TUSC3: variants seen among roughly 807,000 people sequenced by gnomAD.
The protein encoded by TUSC3 is dolichyl-diphosphooligosaccharide--protein glycosyltransferase subunit TUSC3.
A neutral mutation model predicts 44.8 loss-of-function variants in TUSC3; 45 were observed. That is an observed-to-expected ratio of 1.00 (90% CI 0.79 to 1.29). The LOEUF is 1.29. Among genes scored for constraint, TUSC3 ranks in the 50% most tolerant of loss-of-function variants. The probability of loss-of-function intolerance (pLI) is 0.00; values close to 1 mark genes in which losing one functional copy is unlikely to be tolerated. For synonymous variants in TUSC3, 212 were observed against 152.9 expected (o/e 1.39, Z -2.85); for missense variants, 519 against 437.9 (o/e 1.19, Z -1.65).
chr8:15,785,880 G>T, the TUSC3 span, among the ~76,000 whole-genome samples: 1 of 151,536 alleles, frequency 6.6e-6, no homozygotes, highest in Non-Finnish European at 1.5e-5. Flanking sequence ...CATTTCAGAA[G>T]TTCTATGCTG....
chr8:15,599,718 T>C (rs1434241536), intron 1 of TUSC3, among the ~76,000 whole-genome samples: 49 of 136,332 alleles, frequency 3.6e-4, no homozygotes, highest in Non-Finnish European at 6.4e-4. Flanking sequence ...TTTTTTTTTG[T>C]CAAAGATCAG....
Position 15,540,281 on chromosome 8 carries a change from C to T in TUSC3, c.-150C>T, listed in dbSNP as rs886062769. 7.8e-6 allele frequency: 9 copies of T among 1,155,564 alleles called. No homozygotes were observed. The highest frequency in any genetic ancestry group is 9.1e-6 in the Non-Finnish European group (8 of 883,634). 71.6% of individuals were successfully genotyped at this position (1,155,564 alleles called of 1,614,324 possible). On this transcript the variant is annotated 5_prime_UTR_variant, in exon 1 of 11. Coordinates refer to ENST00000503731, the MANE Select transcript of TUSC3 (RefSeq NM_006765.4). ...CTCTGTCAGTCTCCTCCTCTGCGTC[C>T]TCGGCCGCGGCCCGGGTCCCTCGCA...
At chr8:15,617,981 A>G (rs1805067940) in intron 1 of TUSC3, among the ~76,000 whole-genome samples, 1 of 152,222 alleles carries the variant, frequency 6.6e-6, no homozygotes, top group Admixed American at 6.5e-5. Context: ...TCTACTAAAT[A>G]TTGTAGGCAG....
At chr8:15,461,458 G>T (rs973336485) in intron 1 of TUSC3, among the ~76,000 whole-genome samples, 31 of 152,082 alleles carry the variant, frequency 2.0e-4, no homozygotes, top group Non-Finnish European at 3.8e-4. Flanking sequence ...TTTTTGAAGT[G>T]AGCGATCATA....
chr8:15,463,096 G>C (rs1800368640), intron 1 of TUSC3, among the ~76,000 whole-genome samples: 3 of 149,508 alleles, frequency 2.0e-5, no homozygotes, highest in South Asian at 4.2e-4. Flanking sequence ...GCCTCTCTGT[G>C]TCTCTCTCTC....
intron 6 of TUSC3, among the ~76,000 whole-genome samples, chr8:15,674,300 G>A (rs1174202603): frequency 2.6e-5 from 4 of 151,980 alleles, no homozygotes; most frequent in Non-Finnish European, 4.4e-5. Flanking sequence ...AAATTGATAT[G>A]TTGTTACATT....
intron 6 of TUSC3, among the ~76,000 whole-genome samples, chr8:15,706,627 G>C (rs1208759166): frequency 1.3e-5 from 2 of 151,954 alleles, no homozygotes; most frequent in Non-Finnish European, 2.9e-5. Flanking sequence ...ATTTCGTGTA[G>C]CTCATACTGA....
chr8:15,793,478 C>A, the TUSC3 span, among the ~76,000 whole-genome samples: 1 of 150,636 alleles, frequency 6.6e-6, no homozygotes, highest in African/African-American at 2.5e-5. Context: ...CAGCTCACCA[C>A]TGACCTCTCT....
rs143046985 is a variant in TUSC3 at position 15,432,727 on chromosome 8, C to T, written n.91+15422C>T. Among the ~76,000 whole-genome samples the T allele has an allele frequency of 6.9e-3, 1,052 of 152,186 alleles. 11 individuals carry two copies. The highest frequency in any genetic ancestry group is 0.024 in the African/African-American group (989 of 41,512). On this transcript the variant is annotated intron_variant and non_coding_transcript_variant, in intron 1 of 5. Coordinates refer to the TUSC3 transcript ENST00000503191. ...ACCTCCGAACTGTGAACTTAATGTG[C>T]ATCTCGGATCCCCTCACCCCGCCCC...
At chr8:15,537,611 C>A (rs1801542483), upstream of TUSC3, among the ~76,000 whole-genome samples, 1 of 152,076 alleles carries the variant, frequency 6.6e-6, no homozygotes, top group African/African-American at 2.4e-5. Context: ...GCTAGAGTTA[C>A]AAAATGGGAG....
intron 1 of TUSC3, among the ~76,000 whole-genome samples, chr8:15,471,619 AT>A (rs35294089): frequency 0.047 from 6,760 of 142,516 alleles, 439 homozygotes; most frequent in African/African-American, 0.15. Context: ...TCCAGTTCTG[AT>A]TTTTTTTTTT....
chr8:15,790,179 C>CTTTTTTTTTTTTTT, the TUSC3 span, among the ~76,000 whole-genome samples: 1 of 72,232 alleles, frequency 1.4e-5, no homozygotes, highest in Non-Finnish European at 2.4e-5. Context: ...TTGTTAAGGC[C>CTTTTTTTTTTTTTT]TTTTTTTTTT....
At chr8:15,669,087 G>T (rs1042294941) in intron 5 of TUSC3, among the ~76,000 whole-genome samples, 2 of 151,616 alleles carry the variant, frequency 1.3e-5, no homozygotes, top group African/African-American at 2.4e-5. Flanking sequence ...GCTTTGCCAG[G>T]GCCATATCCA....
In TUSC3 at chr8:15,622,331, T is replaced by A. The variant is rs183848924; in HGVS notation, c.139-749T>A. On this transcript the variant is annotated intron_variant, in intron 1 of 10. Coordinates refer to ENST00000503731, the MANE Select transcript of TUSC3 (RefSeq NM_006765.4). The stretch of plus-strand genomic sequence containing the variant: ...TTTTTTTTTAGAGACAGTGTCTTAC[T>A]GTGTTGCCTAAGCTTATCTTGAACT... Among the ~76,000 whole-genome samples, 78 of 152,114 alleles carry A rather than the reference T, an allele frequency of 5.1e-4. 1 individual carries two copies. The highest frequency in any genetic ancestry group is 1.7e-3 in the African/African-American group (70 of 41,508).
intron 2 of TUSC3, among the ~76,000 whole-genome samples, chr8:15,625,375 T>C (rs1805454818): frequency 6.6e-6 from 1 of 152,230 alleles, no homozygotes. Context: ...TGGGGAATGT[T>C]ACCTATTTTA....
the TUSC3 span, among the ~76,000 whole-genome samples, chr8:15,837,619 G>T: frequency 2.6e-5 from 4 of 151,862 alleles, no homozygotes; most frequent in Non-Finnish European, 5.9e-5. Flanking sequence ...TCTGAGATCT[G>T]CCAGCCGAAC....
chr8:15,834,424 T>C, the TUSC3 span, among the ~76,000 whole-genome samples: 1 of 152,180 alleles, frequency 6.6e-6, no homozygotes, highest in Non-Finnish European at 1.5e-5. Flanking sequence ...CTTTGTTCTC[T>C]TTCTGCCTCC....
At chr8:15,613,103 G>A (rs1352002018) in intron 1 of TUSC3, among the ~76,000 whole-genome samples, 1 of 148,510 alleles carries the variant, frequency 6.7e-6, no homozygotes, top group Non-Finnish European at 1.5e-5. Flanking sequence ...TTTTATATGT[G>A]TTTGTGTGTG....
At chr8:15,482,410 G>C (rs1800674621) in intron 1 of TUSC3, among the ~76,000 whole-genome samples, 1 of 152,164 alleles carries the variant, frequency 6.6e-6, no homozygotes, top group South Asian at 2.1e-4. Flanking sequence ...ACTTTGCTCA[G>C]ATCCATCAAG....
Sources: gnomAD v4.1 joint callset for allele counts (sites outside exome capture counted in the v4.1 genomes callset) on GRCh38, gnomAD v4.1.1 for gene constraint, MANE v1.5 for transcripts, NCBI Gene and HGNC (gene_info 2026-07-23, HGNC 2026-07-21) for gene names.